The following TEX264 variants were observed in gnomAD, a reference collection of about 807,000 sequenced individuals.
TEX264 encodes the protein testis-expressed protein 264.
In TEX264, 13 loss-of-function variants were observed where a neutral mutation model predicts 23.4. The ratio of observed to expected loss-of-function variants is 0.56; its 90% CI spans 0.36 to 0.88. TEX264 has a LOEUF of 0.88. Among genes scored for constraint, TEX264 ranks in the 40% least tolerant of loss-of-function variants. TEX264 has a pLI of 0.01. For missense variants in TEX264, 340 were observed against 406.8 expected (o/e 0.84, Z 1.41); for synonymous variants, 159 against 170.0 (o/e 0.94, Z 0.50).
chr3:51,691,151 G>T lies in TEX264; in HGVS notation c.480+6517G>T, dbSNP rs1427742542. 6.6e-6 allele frequency among the ~76,000 whole-genome samples: 1 copy of T among 152,236 alleles called. No homozygotes were observed. Among genetic ancestry groups the T allele is most frequent in the East Asian group, 1.9e-4 (1 of 5,196 alleles). On this transcript the variant is annotated intron_variant, in intron 3 of 4. Coordinates refer to ENST00000341333, the MANE Select transcript of TEX264 (RefSeq NM_015926.6). This position sits in a 1 kb window ranked among gnomAD's most constrained non-coding sequence, Gnocchi z 4.4. ...GAGGCAAAGCACAGGAAGAGGCTGT[G>T]TACCCGCTTGCCCAGCAGGCACTCA...
chr3:51,704,205 A>G lies in TEX264; in HGVS notation c.*189A>G, dbSNP rs894486642. 1 of 473,208 alleles carries G rather than the reference A, an allele frequency of 2.1e-6. No homozygotes were observed. The highest frequency in any genetic ancestry group is 2.0e-5 in the African/African-American group (1 of 50,142). 29.3% of individuals were successfully genotyped at this position (473,208 alleles called of 1,614,324 possible). On this transcript the variant is annotated 3_prime_UTR_variant, in exon 5 of 5. Coordinates refer to ENST00000341333, the MANE Select transcript of TEX264 (RefSeq NM_015926.6). ...TTAGGCTCCCAGGGCCAGAGGAGCC[A>G]GGGACTATTTTCTGCACCAGCCCCC...
chr3:51,672,974 G>A (rs1203235655), intron 1 of TEX264, among the ~76,000 whole-genome samples: 2 of 152,228 alleles, frequency 1.3e-5, no homozygotes, highest in East Asian at 3.8e-4. Context: ...ACAGATGGGT[G>A]AGACTAGTGG....
intron 3 of TEX264, among the ~76,000 whole-genome samples, chr3:51,696,839 A>G (rs1703077071): frequency 6.6e-6 from 1 of 152,292 alleles, no homozygotes; most frequent in Non-Finnish European, 1.5e-5. Context: ...TGGCATTTTA[A>G]TTAGCTCCAT....
chr3:51,679,299 G>T (rs1702342119), intron 2 of TEX264, among the ~76,000 whole-genome samples: 1 of 152,180 alleles, frequency 6.6e-6, no homozygotes, highest in Non-Finnish European at 1.5e-5. Context: ...CTTTAAATAG[G>T]TGGGTGTCAC....
rs1340455313 is a variant in TEX264 at position 51,691,038 on chromosome 3, A to AG, written c.480+6407dup. Among the ~76,000 whole-genome samples, 1 of 152,210 alleles carries AG rather than the reference A, an allele frequency of 6.6e-6. No individual in the cohort carries two copies. The highest frequency in any genetic ancestry group is 1.5e-5 in the Non-Finnish European group (1 of 68,022). On this transcript the variant is annotated intron_variant, in intron 3 of 4. Coordinates refer to ENST00000341333, the MANE Select transcript of TEX264 (RefSeq NM_015926.6). This position sits in a 1 kb window ranked among gnomAD's most constrained non-coding sequence, Gnocchi z 4.4. ...TGGGATATGCTCGGGATGGTGCCCC[A>AG]GGGTGGGCTTTCTTTCCTTCTTTCT...
rs373873910 is a variant in TEX264, at chr3:51,696,946, C to T, written c.481-2460C>T. On this transcript the variant is annotated intron_variant, in intron 3 of 4. Coordinates refer to ENST00000341333, the MANE Select transcript of TEX264 (RefSeq NM_015926.6). ...GGCTGCCCCTCCAGGGGTCTGGGAG[C>T]AGGCTCTGGGACCTGGTGCTCCCTG... Among the ~76,000 whole-genome samples the T allele has an allele frequency of 3.6e-4, 55 of 152,320 alleles. 1 individual carries two copies. The South Asian group carries it at 0.01, about 28-fold the overall frequency.
In TEX264 at chr3:51,699,503, C is replaced by T; in HGVS notation, c.578C>T (p.Pro193Leu). The T allele has an allele frequency of 3.7e-6, 6 of 1,614,082 alleles. No homozygotes were observed. Among genetic ancestry groups the T allele is most frequent in the Non-Finnish European group, 5.1e-6 (6 of 1,179,952 alleles). Residue 193 changes from proline to leucine, a missense_variant, in exon 4 of 5, where the codon CCT (proline) becomes CTT (leucine). Pro to Leu is a moderately conservative substitution (Grantham distance 98). Coordinates refer to ENST00000341333, the MANE Select transcript of TEX264 (RefSeq NM_015926.6). ...PLARQGDFYV[P>L]EMKETEWKWR... ...GCACGGCAGGGAGACTTCTATGTGC[C>T]TGAGATGAAGGAGACAGAGTGGAAA... is the stretch of plus-strand genomic sequence containing the variant.
Position 51,704,212 on chromosome 3 carries a change from AT to A in TEX264, c.*200del, listed in dbSNP as rs1252211911. 9.1e-5 allele frequency: 41 copies of A among 449,850 alleles called. No homozygotes were observed. Among genetic ancestry groups the A allele is most frequent in the Non-Finnish European group, 1.3e-4 (36 of 272,350 alleles). The allele number at this position is 449,850 out of a possible 1,614,324, so 27.9% of individuals were successfully genotyped here. A position where few individuals can be genotyped will look rare whatever the true frequency, so the allele number is the denominator to read the frequency against. Reference sequence around the variant, plus strand: ...CCCAGGGCCAGAGGAGCCAGGGACTATTTTCTGCACCAGCCCCCAGGGCTGC... The same window carrying A: ...CCCAGGGCCAGAGGAGCCAGGGACTATTTCTGCACCAGCCCCCAGGGCTGC... On this transcript the variant is annotated 3_prime_UTR_variant, in exon 5 of 5. Transcript: ENST00000341333.
chr3:51,703,647 G>T lies in TEX264; in HGVS notation c.650-77G>T, dbSNP rs147550471. ...AGGCTGCATTATTCATGAGTGCACT[G>T]CGTGCTGAGTTGCCTCTCCCTGGAG... is the stretch of plus-strand genomic sequence containing the variant. On this transcript the variant is annotated intron_variant, in intron 4 of 4. Coordinates refer to ENST00000341333, the MANE Select transcript of TEX264 (RefSeq NM_015926.6). The surrounding 1 kb of genome is among the most constrained non-coding windows in gnomAD (Gnocchi z 4.8). 100 of 1,460,554 alleles carry T rather than the reference G, an allele frequency of 6.8e-5. No homozygotes were observed. The African/African-American group carries it at 1.3e-3, about 18-fold the overall frequency. 90.5% of individuals were successfully genotyped at this position (1,460,554 alleles called of 1,614,324 possible).
At chr3:51,689,947 G>A (rs533820405) in intron 3 of TEX264, among the ~76,000 whole-genome samples, 2 of 152,270 alleles carry the variant, frequency 1.3e-5, no homozygotes, top group South Asian at 4.1e-4. Flanking sequence ...GGGTGGTGGT[G>A]ACTGAACTCC....
Position 51,686,102 on chromosome 3 carries a change from G to A in TEX264, c.480+1468G>A, listed in dbSNP as rs1450011675. On this transcript the variant is annotated intron_variant, in intron 3 of 4. Transcript: ENST00000341333. The surrounding 1 kb of genome is among the most constrained non-coding windows in gnomAD (Gnocchi z 4.1). Reference sequence around the variant, plus strand: ...CTGAGATACATCTAAGTTGGGGGGTGTGGAGTCAGCAATGGTATGTGTGGC... The same window carrying A: ...CTGAGATACATCTAAGTTGGGGGGTATGGAGTCAGCAATGGTATGTGTGGC... Among the ~76,000 whole-genome samples, 2 of 152,212 alleles carry A rather than the reference G, an allele frequency of 1.3e-5. No individual in the cohort carries two copies. Among genetic ancestry groups the A allele is most frequent in the Admixed American group, 6.5e-5 (1 of 15,290 alleles).
chr3:51,676,679 A>G (rs1027648923), intron 2 of TEX264, among the ~76,000 whole-genome samples: 1 of 152,228 alleles, frequency 6.6e-6, no homozygotes, highest in African/African-American at 2.4e-5. Flanking sequence ...TACCTGCTTC[A>G]TAGTAGACTG....
intron 2 of TEX264, among the ~76,000 whole-genome samples, chr3:51,677,052 C>T (rs1431211988): frequency 6.6e-6 from 1 of 152,204 alleles, no homozygotes; most frequent in Non-Finnish European, 1.5e-5. Context: ...GTAACAGGTT[C>T]AGGGAACCAT....
chr3:51,698,044 C>T (rs1299572678), intron 3 of TEX264, among the ~76,000 whole-genome samples: 4 of 152,206 alleles, frequency 2.6e-5, no homozygotes, highest in African/African-American at 9.6e-5. Flanking sequence ...GAGTCAGAGG[C>T]TGAGCCACAG....
chr3:51,701,230 T>G (rs1400131554), intron 4 of TEX264, among the ~76,000 whole-genome samples: 1 of 151,896 alleles, frequency 6.6e-6, no homozygotes, highest in Non-Finnish European at 1.5e-5. Context: ...CCTGGTATCT[T>G]CTGCCCAGGG....
intron 3 of TEX264, among the ~76,000 whole-genome samples, chr3:51,698,951 G>A (rs1206157232): frequency 1.3e-5 from 2 of 152,148 alleles, no homozygotes; most frequent in African/African-American, 2.4e-5. Flanking sequence ...GTCAGTCAGC[G>A]TTGTCCAGGG....
chr3:51,688,663 G>C (rs1211435572), intron 3 of TEX264, among the ~76,000 whole-genome samples: 2 of 152,188 alleles, frequency 1.3e-5, no homozygotes, highest in African/African-American at 4.8e-5. Flanking sequence ...TGATTGGCTG[G>C]GGAGTGCAGG....
In TEX264 at chr3:51,703,782, G is replaced by C; in HGVS notation, c.708G>C (p.Arg236=). Reference sequence around the variant, plus strand: ...GCTTGGAAGTGAGCCCTGGCAGCCGGGAGACTTCAGCTGCCACACTGTCAC... The same window carrying C: ...GCTTGGAAGTGAGCCCTGGCAGCCGCGAGACTTCAGCTGCCACACTGTCAC... ...SVSLEVSPGS[R]ETSAATLSPG... Residue 236 remains arginine, a synonymous_variant, in exon 5 of 5, where the codon CGG becomes CGC. Transcript: ENST00000341333. The surrounding 1 kb of genome is among the most constrained non-coding windows in gnomAD (Gnocchi z 4.8). The C allele has an allele frequency of 6.2e-7, 1 of 1,608,682 alleles. No homozygotes were observed. Among genetic ancestry groups the C allele is most frequent in the Non-Finnish European group, 8.5e-7 (1 of 1,175,812 alleles).
chr3:51,703,776 C>T lies in TEX264; in HGVS notation c.702C>T (p.Gly234=). 3 of 1,608,010 alleles carry T rather than the reference C, an allele frequency of 1.9e-6. No homozygotes were observed. Among genetic ancestry groups the T allele is most frequent in the Non-Finnish European group, 2.6e-6 (3 of 1,175,364 alleles). Residue 234 remains glycine, a synonymous_variant, in exon 5 of 5, where the codon GGC becomes GGT. Coordinates refer to ENST00000341333, the MANE Select transcript of TEX264 (RefSeq NM_015926.6). This position sits in a 1 kb window ranked among gnomAD's most constrained non-coding sequence, Gnocchi z 4.8. ...CTGTAAGCTTGGAAGTGAGCCCTGG[C>T]AGCCGGGAGACTTCAGCTGCCACAC... is the stretch of plus-strand genomic sequence containing the variant. ...TSSVSLEVSP[G]SRETSAATLS...
Sources: allele counts gnomAD v4.1 joint callset (sites outside exome capture counted in the v4.1 genomes callset), GRCh38; gene constraint gnomAD v4.1.1; non-coding constraint Gnocchi (gnomAD v3.1); transcripts MANE v1.5; gene names NCBI Gene and HGNC (gene_info 2026-07-23, HGNC 2026-07-21).